Variants in SLC35A3 observed in about 807,000 individuals in gnomAD.
The protein encoded by SLC35A3 is UDP-N-acetylglucosamine transporter.
SLC35A3 carries 26 observed loss-of-function variants against 39.0 expected under a neutral mutation model. The ratio of observed to expected loss-of-function variants is 0.67; its 90% confidence interval spans 0.49 to 0.92. The LOEUF (loss-of-function observed/expected upper bound fraction) is 0.92, where lower values mean the gene tolerates loss of function less well. Ranked by LOEUF, SLC35A3 falls within the 40% of genes least tolerant of loss-of-function variation. The pLI is 0.00. For missense variants in SLC35A3, 299 were observed against 371.6 expected (o/e 0.80, Z 1.61); for synonymous variants, 135 against 133.1 (o/e 1.01, Z -0.10).
chr1:99,973,680 G>A (rs1013231414), intron 1 of SLC35A3, among the ~76,000 whole-genome samples: 5 of 152,168 alleles, frequency 3.3e-5, no homozygotes, highest in African/African-American at 1.2e-4. Context: ...GATTGAAAAG[G>A]TATGCTAGGT....
intron 4 of SLC35A3, among the ~76,000 whole-genome samples, chr1:100,010,099 T>G (rs1053707987): frequency 1.3e-5 from 2 of 152,150 alleles, no homozygotes; most frequent in Non-Finnish European, 2.9e-5. Flanking sequence ...TACCCACATT[T>G]CACGTGCTCA....
At chr1:99,988,746 C>T (rs1042531888) in intron 1 of SLC35A3, among the ~76,000 whole-genome samples, 2 of 150,056 alleles carry the variant, frequency 1.3e-5, no homozygotes, top group South Asian at 2.1e-4. Flanking sequence ...CCCCTCCTCT[C>T]TCCTCCCCTT....
chr1:100,020,508 A>G lies in SLC35A3; in HGVS notation c.888-1878A>G, dbSNP rs571161160. Among the ~76,000 whole-genome samples, 164 of 152,320 alleles carry G rather than the reference A, an allele frequency of 1.1e-3. 1 individual carries two copies. Among genetic ancestry groups the G allele is most frequent in the African/African-American group, 3.7e-3 (153 of 41,582 alleles). On this transcript the variant is annotated intron_variant, in intron 7 of 7. Coordinates refer to ENST00000533028, the MANE Select transcript of SLC35A3 (RefSeq NM_012243.3). ...TTCAAGATACATTACAGGATGTTTT[A>G]TGTTATCCTAATAACCTTATATGTA...
intron 7 of SLC35A3, among the ~76,000 whole-genome samples, chr1:100,021,973 T>C (rs115458903): frequency 0.013 from 2,041 of 152,354 alleles, 18 homozygotes; most frequent in Middle Eastern, 0.058. Context: ...GAATGTATTG[T>C]ATACAAAATC....
Position 99,993,730 on chromosome 1 carries a change from A to G in SLC35A3, c.176A>G (p.Tyr59Cys). ...LKIMACILLV[Y>C]KDSKCSLRAL... ...ATAATGGCCTGCATTTTATTGGTCT[A>G]CAAAGACAGCAGTAGGTATCTAGGT... Residue 59 changes from tyrosine (Y) to cysteine (C), a missense_variant, in exon 2 of 8, where the codon TAC becomes TGC. By Grantham distance (194) the Tyr-to-Cys change is radical. Transcript: ENST00000533028. 1 of 1,613,912 alleles carries G rather than the reference A, an allele frequency of 6.2e-7. No individual in the cohort carries two copies. The highest frequency in any genetic ancestry group is 8.5e-7 in the Non-Finnish European group (1 of 1,179,906).
intron 1 of SLC35A3, among the ~76,000 whole-genome samples, chr1:99,977,364 CAAAAAA>C (rs61423393): frequency 1.5e-4 from 15 of 98,456 alleles, no homozygotes; most frequent in African/African-American, 5.0e-4. Flanking sequence ...TTAAAAATAC[CAAAAAA>C]AAAAAAAAAA....
chr1:100,024,530 G>A lies in SLC35A3; in HGVS notation c.*2054G>A, dbSNP rs192189070. 3.5e-3 allele frequency: 603 copies of A among 173,962 alleles called. 1 individual carries two copies. The highest frequency in any genetic ancestry group is 4.2e-3 in the Non-Finnish European group (363 of 85,924). The allele number at this position is 173,962 out of a possible 1,614,324, so 10.8% of individuals were successfully genotyped here. A position where few individuals can be genotyped will look rare whatever the true frequency, so the allele number is the denominator to read the frequency against. On this transcript the variant is annotated 3_prime_UTR_variant, in exon 8 of 8. Coordinates refer to ENST00000533028, the MANE Select transcript of SLC35A3 (RefSeq NM_012243.3). ...CGTGCCACTGCACCCCAGCCTGGGT[G>A]ACAGAGCGAGACTCCGTCTCAAAAA...
chr1:99,984,171 T>C (rs1657617642), intron 1 of SLC35A3, among the ~76,000 whole-genome samples: 1 of 152,146 alleles, frequency 6.6e-6, no homozygotes, highest in Non-Finnish European at 1.5e-5. Context: ...ATATGAAATA[T>C]TAAATTTTTA....
At position 100,028,734 on chromosome 1, in the gene SLC35A3, C is replaced by T. The variant is rs1570639703; in HGVS notation, c.*6258C>T. ...TAGCAAGGAAGAAATAAATTGCCTT[C>T]AATTACCAAAGATTTGAGCTTCTGC... On this transcript the variant is annotated 3_prime_UTR_variant, in exon 8 of 8. Coordinates refer to ENST00000533028, the MANE Select transcript of SLC35A3 (RefSeq NM_012243.3). 1 of 152,164 alleles carries T rather than the reference C, an allele frequency of 6.6e-6. No homozygotes were observed. The highest frequency in any genetic ancestry group is 1.9e-4 in the East Asian group (1 of 5,202). 9.4% of individuals were successfully genotyped at this position (152,164 alleles called of 1,614,324 possible). A position where few individuals can be genotyped will look rare whatever the true frequency, so the allele number is the denominator to read the frequency against.
intron 1 of SLC35A3, among the ~76,000 whole-genome samples, chr1:99,971,397 C>T (rs1311397930): frequency 6.6e-6 from 1 of 151,970 alleles, no homozygotes; most frequent in African/African-American, 2.4e-5. Flanking sequence ...AGCTCCGCCT[C>T]CCGGGTTCAT....
chr1:99,983,775 A>T (rs57959893), intron 1 of SLC35A3, among the ~76,000 whole-genome samples: 4,728 of 151,658 alleles, frequency 0.031, 266 homozygotes, highest in African/African-American at 0.11. Context: ...ACAGGCGCCC[A>T]CCACGCCTGG....
intron 2 of SLC35A3, among the ~76,000 whole-genome samples, chr1:99,995,567 A>T (rs6666947): frequency 0.067 from 10,125 of 152,212 alleles, 449 homozygotes; most frequent in African/African-American, 0.13. Flanking sequence ...AGGTTTTTAG[A>T]TTAAACTATT....
At position 100,031,020 on chromosome 1, in the gene SLC35A3, A is replaced by C. The variant is rs1661183070; in HGVS notation, c.*8544A>C. On this transcript the variant is annotated 3_prime_UTR_variant, in exon 8 of 8. Coordinates refer to ENST00000533028, the MANE Select transcript of SLC35A3 (RefSeq NM_012243.3). ...CACACTTATTTTGGATGTTATATAC[A>C]CATAATGCCTCAAATTTCCATTATT... 6.6e-6 allele frequency: 1 copy of C among 152,188 alleles called. No individual in the cohort carries two copies. Among genetic ancestry groups the C allele is most frequent in the African/African-American group, 2.4e-5 (1 of 41,438 alleles). 9.4% of individuals were successfully genotyped at this position (152,188 alleles called of 1,614,324 possible).
intron 3 of SLC35A3, among the ~76,000 whole-genome samples, chr1:100,005,075 A>G (rs997027285): frequency 6.6e-6 from 1 of 152,144 alleles, no homozygotes; most frequent in Non-Finnish European, 1.5e-5. Context: ...TTTTTTAACA[A>G]TAGTTTCACT....
intron 1 of SLC35A3, among the ~76,000 whole-genome samples, chr1:99,985,627 A>G (rs188629433): frequency 6.6e-6 from 1 of 152,254 alleles, no homozygotes; most frequent in African/African-American, 2.4e-5. Context: ...TTTGATGGGA[A>G]TTGCACTGCA....
chr1:100,015,393 A>C lies in SLC35A3; in HGVS notation c.726A>C (p.Arg242=). 4 of 1,613,120 alleles carry C rather than the reference A, an allele frequency of 2.5e-6. No individual in the cohort carries two copies. In the Middle Eastern group the frequency reaches 5.0e-4, roughly 200 times the overall value. ...ATGGATTTTTTCAGGGATATAACCG[A>C]CTGACCTGGATAGTAGTTGTTCTTC... The part of the protein sequence containing the change: ...SKNGFFQGYN[R]LTWIVVVLQA... The change falls in exon 6 of 8, where the codon CGA becomes CGC. Residue 242 remains arginine (R), a synonymous_variant. Transcript: ENST00000533028.
At chr1:100,021,332 C>A (rs1374053615) in intron 7 of SLC35A3, among the ~76,000 whole-genome samples, 1 of 152,020 alleles carries the variant, frequency 6.6e-6, no homozygotes, top group Non-Finnish European at 1.5e-5. Context: ...CCACTGCACT[C>A]CAGCCTGGGC....
At chr1:99,995,817 G>T (rs1408243080) in intron 2 of SLC35A3, among the ~76,000 whole-genome samples, 1 of 152,188 alleles carries the variant, frequency 6.6e-6, no homozygotes, top group Non-Finnish European at 1.5e-5. Context: ...GCTGAACTCT[G>T]TTGCATTCCC....
chr1:100,013,870 G>T (rs1659861864), intron 5 of SLC35A3, among the ~76,000 whole-genome samples: 1 of 152,020 alleles, frequency 6.6e-6, no homozygotes, highest in Admixed American at 6.6e-5. Flanking sequence ...TTCTATTGTG[G>T]AATACTTTGA....
Sources: gnomAD v4.1 joint callset for allele counts (sites outside exome capture counted in the v4.1 genomes callset) on GRCh38, gnomAD v4.1.1 for gene constraint, MANE v1.5 for transcripts, NCBI Gene and HGNC (gene_info 2026-07-23, HGNC 2026-07-21) for gene names.